The following FUT8 variants were observed in gnomAD, a reference collection of about 807,000 sequenced individuals.
FUT8 encodes the protein fucosyltransferase 8.
In FUT8, 29 loss-of-function variants were observed where a neutral mutation model predicts 71.3. The ratio of observed to expected loss-of-function variants is 0.41; its 90% confidence interval spans 0.30 to 0.55. The LOEUF (loss-of-function observed/expected upper bound fraction) is 0.55. Among genes scored for constraint, FUT8 ranks in the 20% least tolerant of loss-of-function variants. The pLI is 0.34. For synonymous variants in FUT8, 254 were observed against 239.3 expected (o/e 1.06, Z -0.57); for missense variants, 544 against 702.1 (o/e 0.77, Z 2.55).
the FUT8 span, among the ~76,000 whole-genome samples, chr14:65,375,298 A>G: frequency 6.6e-6 from 1 of 152,166 alleles, no homozygotes; most frequent in Non-Finnish European, 1.5e-5. Flanking sequence ...TGATCACCAT[A>G]GTTAAGACAT....
At position 65,627,906 on chromosome 14, in the gene FUT8, T is replaced by A. The variant is rs1889981865; in HGVS notation, c.483-1586T>A. Among the ~76,000 whole-genome samples the A allele has an allele frequency of 1.3e-5, 2 of 152,310 alleles. No individual in the cohort carries two copies. The highest frequency in any genetic ancestry group is 4.2e-4 in the South Asian group (2 of 4,814). ...GCCTGACCATCACCTGATGGTCGCC[T>A]GACATTGCTTGGAGGTTAAGGGGGT... On this transcript the variant is annotated intron_variant, in intron 5 of 10. Transcript: ENST00000673929. This position sits in a 1 kb window ranked among gnomAD's most constrained non-coding sequence, Gnocchi z 4.0.
chr14:65,393,957 CATT>C, the FUT8 span, among the ~76,000 whole-genome samples: 8 of 151,896 alleles, frequency 5.3e-5, no homozygotes, highest in Non-Finnish European at 1.2e-4. Flanking sequence ...TTCCCCTTAT[CATT>C]ATTATTATTA....
the FUT8 span, among the ~76,000 whole-genome samples, chr14:65,359,526 A>G: frequency 6.6e-6 from 1 of 152,058 alleles, no homozygotes; most frequent in East Asian, 1.9e-4. Context: ...AGCTCTGGCA[A>G]CCGCTATTCT....
chr14:65,401,696 G>A, the FUT8 span, among the ~76,000 whole-genome samples: 3 of 152,032 alleles, frequency 2.0e-5, no homozygotes, highest in African/African-American at 7.2e-5. Flanking sequence ...CCAGGAGTTC[G>A]AGACCAGTCT....
chr14:65,563,210 G>T (rs1443663428), intron 3 of FUT8, among the ~76,000 whole-genome samples: 1 of 151,948 alleles, frequency 6.6e-6, no homozygotes, highest in Non-Finnish European at 1.5e-5. Flanking sequence ...TGATCTTTCA[G>T]TAGAGTCTTA....
chr14:65,633,426 C>T (rs1394801469), intron 6 of FUT8, among the ~76,000 whole-genome samples: 3 of 152,212 alleles, frequency 2.0e-5, no homozygotes, highest in Admixed American at 2.0e-4. Context: ...ATTGCAGCCT[C>T]TGCCTGGCCG....
At chr14:65,665,787 A>G (rs1892184066) in intron 6 of FUT8, among the ~76,000 whole-genome samples, 1 of 152,200 alleles carries the variant, frequency 6.6e-6, no homozygotes, top group Non-Finnish European at 1.5e-5. Context: ...TTGCAGGGAC[A>G]TGGATGGAGC....
chr14:65,587,103 G>A (rs1032330889), intron 3 of FUT8, among the ~76,000 whole-genome samples: 39 of 152,022 alleles, frequency 2.6e-4, no homozygotes, highest in African/African-American at 8.9e-4. Flanking sequence ...GCAGGGGAAT[G>A]GTGTGAACCC....
rs751114508 is a variant in FUT8 at position 65,574,499 on chromosome 14, A to G, written c.203+12733A>G. Among the ~76,000 whole-genome samples, 1 of 152,146 alleles carries G rather than the reference A, an allele frequency of 6.6e-6. No homozygotes were observed. Among genetic ancestry groups the G allele is most frequent in the Non-Finnish European group, 1.5e-5 (1 of 68,018 alleles). Reference sequence around the variant, plus strand: ...ATCAAAGTTTTCATTGTGTACCAACACTTTACATAAATTATCTTATTCAGA... The same window carrying G: ...ATCAAAGTTTTCATTGTGTACCAACGCTTTACATAAATTATCTTATTCAGA... On this transcript the variant is annotated intron_variant, in intron 3 of 10. Transcript: ENST00000673929. The surrounding 1 kb of genome is among the most constrained non-coding windows in gnomAD (Gnocchi z 5.2).
intron 1 of FUT8, among the ~76,000 whole-genome samples, chr14:65,422,012 G>T (rs1331146941): frequency 2.0e-5 from 3 of 152,044 alleles, no homozygotes; most frequent in African/African-American, 7.3e-5. Context: ...ACTGTGTCCA[G>T]TGATCCTCGT....
chr14:65,468,002 A>G, intron 2 of FUT8: 1 of 689,596 alleles, frequency 1.5e-6, no homozygotes, highest in East Asian at 2.8e-5. Context: ...TAGAGTGCTG[A>G]ATGTGCTCAA....
intron 7 of FUT8, among the ~76,000 whole-genome samples, chr14:65,696,118 G>A (rs1175929022): frequency 2.0e-5 from 3 of 152,024 alleles, no homozygotes. Context: ...ATTGTTGCTA[G>A]TATTATTTTG....
At chr14:65,732,471 A>C (rs1412586618) in intron 9 of FUT8, among the ~76,000 whole-genome samples, 1 of 152,222 alleles carries the variant, frequency 6.6e-6, no homozygotes, top group Non-Finnish European at 1.5e-5. Flanking sequence ...CAGGGTTTCT[A>C]TATAAGAACT....
At chr14:65,381,323 G>A in the FUT8 span, among the ~76,000 whole-genome samples, 1 of 152,110 alleles carries the variant, frequency 6.6e-6, no homozygotes, top group African/African-American at 2.4e-5. Context: ...CTAGAAATGA[G>A]CATTTAACTT....
At chr14:65,559,963 C>A (rs1254064870) in intron 2 of FUT8, among the ~76,000 whole-genome samples, 4 of 152,126 alleles carry the variant, frequency 2.6e-5, no homozygotes, top group African/African-American at 9.7e-5. Context: ...AAGTACAATT[C>A]TTTTCATTCT....
chr14:65,625,749 GAATAGTCTA>G (rs1443839959), intron 5 of FUT8, among the ~76,000 whole-genome samples: 2 of 152,188 alleles, frequency 1.3e-5, no homozygotes, highest in African/African-American at 2.4e-5. Flanking sequence ...AATTTAGGAT[GAATAGTCTA>G]AATGGTGGCT....
chr14:65,371,076 C>T, the FUT8 span, among the ~76,000 whole-genome samples: 1 of 152,096 alleles, frequency 6.6e-6, no homozygotes, highest in Non-Finnish European at 1.5e-5. Context: ...GATTAAGAAA[C>T]TAAATCTTCT....
intron 2 of FUT8, among the ~76,000 whole-genome samples, chr14:65,522,968 A>G (rs1043499806): frequency 2.0e-5 from 3 of 152,072 alleles, no homozygotes; most frequent in Admixed American, 2.0e-4. Flanking sequence ...AATCCAGTCT[A>G]TCATTGATGG....
chr14:65,590,065 G>A (rs1887608169), intron 3 of FUT8, among the ~76,000 whole-genome samples: 1 of 152,102 alleles, frequency 6.6e-6, no homozygotes, highest in South Asian at 2.1e-4. Flanking sequence ...AGAAAGATAC[G>A]ACATACCAAT....
Sources: allele counts gnomAD v4.1 joint callset (sites outside exome capture counted in the v4.1 genomes callset), GRCh38; gene constraint gnomAD v4.1.1; non-coding constraint Gnocchi (gnomAD v3.1); transcripts MANE v1.5; gene names NCBI Gene and HGNC (gene_info 2026-07-23, HGNC 2026-07-21).